Variants in LHFPL3 observed in about 807,000 individuals in gnomAD.
LHFPL3 encodes LHFPL tetraspan subfamily member 3.
A neutral mutation model predicts 19.3 loss-of-function variants in LHFPL3; 5 were observed. The observed-to-expected ratio is 0.26, with a 90% CI of 0.14 to 0.54. The LOEUF (loss-of-function observed/expected upper bound fraction) is 0.54, where lower values mean the gene tolerates loss of function less well. LHFPL3 is among the 20% of genes least tolerant of loss of function. The pLI, the probability that LHFPL3 is intolerant of heterozygous loss-of-function variation, is 0.94. For missense variants in LHFPL3, 249 were observed against 307.4 expected (o/e 0.81, Z 1.42); for synonymous variants, 133 against 126.2 (o/e 1.05, Z -0.36).
chr7:104,390,813 G>T (rs1231019247), intron 1 of LHFPL3, among the ~76,000 whole-genome samples: 4 of 152,172 alleles, frequency 2.6e-5, no homozygotes, highest in Admixed American at 2.0e-4. Flanking sequence ...GTGTAAAAGT[G>T]TTCCTATTTC....
intron 1 of LHFPL3, among the ~76,000 whole-genome samples, chr7:104,593,717 G>T (rs1168382711): frequency 2.0e-5 from 3 of 152,112 alleles, no homozygotes; most frequent in Admixed American, 6.5e-5. Context: ...ATGAATCTGG[G>T]CACTCCTGTA....
intron 2 of LHFPL3, 126 bp from the exon 3 acceptor site, chr7:104,906,061 T>C: frequency 1.2e-6 from 1 of 866,700 alleles, no homozygotes. Context: ...GCAAAATGCA[T>C]TTGAACCATT....
chr7:104,698,288 A>C (rs953599290), intron 1 of LHFPL3, among the ~76,000 whole-genome samples: 3 of 152,220 alleles, frequency 2.0e-5, no homozygotes, highest in Non-Finnish European at 4.4e-5. Context: ...CTTACATTAG[A>C]TCTCCCTTTC....
chr7:104,887,472 G>A (rs1792171339), intron 2 of LHFPL3, among the ~76,000 whole-genome samples: 1 of 152,174 alleles, frequency 6.6e-6, no homozygotes, highest in Non-Finnish European at 1.5e-5. Flanking sequence ...GATTCCAGGG[G>A]CAAGGGAAGT....
At chr7:104,681,714 G>A (rs190741011) in intron 1 of LHFPL3, among the ~76,000 whole-genome samples, 2 of 152,230 alleles carry the variant, frequency 1.3e-5, no homozygotes, top group African/African-American at 4.8e-5. Context: ...ACAAAGAAGG[G>A]TATTGAGACT....
At chr7:104,479,306 G>A (rs981333227) in intron 1 of LHFPL3, among the ~76,000 whole-genome samples, 1 of 152,046 alleles carries the variant, frequency 6.6e-6, no homozygotes, top group South Asian at 2.1e-4. Flanking sequence ...TCTGAGGGAC[G>A]CCATGGGAGC....
At chr7:104,351,653 A>G (rs994036796) in intron 1 of LHFPL3, among the ~76,000 whole-genome samples, 11 of 152,194 alleles carry the variant, frequency 7.2e-5, no homozygotes, top group Admixed American at 6.5e-5. Flanking sequence ...TTCATTTTTT[A>G]TTGTTAATAG....
intron 1 of LHFPL3, among the ~76,000 whole-genome samples, chr7:104,420,003 G>A (rs547262924): frequency 1.2e-4 from 18 of 152,250 alleles, no homozygotes; most frequent in African/African-American, 4.3e-4. Flanking sequence ...AAACAGTGGA[G>A]GCAAAGCAAG....
intron 1 of LHFPL3, among the ~76,000 whole-genome samples, chr7:104,611,694 A>G (rs1791216634): frequency 6.6e-6 from 1 of 152,206 alleles, no homozygotes. Flanking sequence ...AAAAAGAAAC[A>G]TAAAAATAAG....
At position 104,731,670 on chromosome 7, in the gene LHFPL3, C is replaced by T. The variant is rs1443722564; in HGVS notation, c.446-5005C>T. Among the ~76,000 whole-genome samples the T allele has an allele frequency of 4.6e-5, 7 of 151,828 alleles. No individual in the cohort carries two copies. In the South Asian group the frequency reaches 1.5e-3, roughly 32 times the overall value. ...GATATACAATCATGTCATCTGCAAA[C>T]AGGGACAATTTGACTTCCTTTTTTC... is the stretch of plus-strand genomic sequence containing the variant. On this transcript the variant is annotated intron_variant, in intron 1 of 2. Coordinates refer to ENST00000424859, the MANE Select transcript of LHFPL3 (RefSeq NM_199000.3).
chr7:104,358,404 G>T (rs745438527), intron 1 of LHFPL3, among the ~76,000 whole-genome samples: 5 of 152,190 alleles, frequency 3.3e-5, no homozygotes, highest in Non-Finnish European at 5.9e-5. Flanking sequence ...CTCTTTGGGG[G>T]TCAGTAGGGT....
At chr7:104,601,795 A>G (rs1584431550) in intron 1 of LHFPL3, among the ~76,000 whole-genome samples, 1 of 151,928 alleles carries the variant, frequency 6.6e-6, no homozygotes, top group South Asian at 2.1e-4. Context: ...CACTGCCAAA[A>G]CCTGGAGCTG....
intron 2 of LHFPL3, among the ~76,000 whole-genome samples, chr7:104,817,722 G>C (rs1790589766): frequency 6.6e-6 from 1 of 152,076 alleles, no homozygotes; most frequent in Non-Finnish European, 1.5e-5. Context: ...CCCTCAGACA[G>C]TACTACTTCA....
At chr7:104,423,851 A>G (rs1032267687) in intron 1 of LHFPL3, among the ~76,000 whole-genome samples, 1 of 152,106 alleles carries the variant, frequency 6.6e-6, no homozygotes, top group Non-Finnish European at 1.5e-5. Context: ...AAGGCAAACA[A>G]CAAACAAACA....
chr7:104,429,301 C>CAT, intron 1 of LHFPL3, among the ~76,000 whole-genome samples: 1 of 84,522 alleles, frequency 1.2e-5, no homozygotes, highest in African/African-American at 5.4e-5. Context: ...TATGTCATTC[C>CAT]TTTTTTTTTT....
chr7:104,442,564 T>C (rs914920686), intron 1 of LHFPL3, among the ~76,000 whole-genome samples: 3 of 152,212 alleles, frequency 2.0e-5, no homozygotes, highest in African/African-American at 7.2e-5. Flanking sequence ...TAGCAAGTTA[T>C]ATTTAGGAAC....
intron 2 of LHFPL3, among the ~76,000 whole-genome samples, chr7:104,784,865 G>A (rs936794801): frequency 1.3e-5 from 2 of 152,158 alleles, no homozygotes; most frequent in Non-Finnish European, 2.9e-5. Flanking sequence ...ATCTAAAGTT[G>A]TCAAACTCAT....
chr7:104,457,412 A>C (rs930292322), intron 1 of LHFPL3, among the ~76,000 whole-genome samples: 10 of 151,866 alleles, frequency 6.6e-5, no homozygotes, highest in Non-Finnish European at 1.0e-4. Context: ...AATGATTTCC[A>C]ATTTCATCCA....
At chr7:104,509,630 T>C (rs1281738096) in intron 1 of LHFPL3, among the ~76,000 whole-genome samples, 3 of 152,052 alleles carry the variant, frequency 2.0e-5, no homozygotes, top group Non-Finnish European at 1.5e-5. Context: ...GCTAGTATTA[T>C]ACATAATGGT....
Sources: allele counts gnomAD v4.1 joint callset (sites outside exome capture counted in the v4.1 genomes callset), GRCh38; gene constraint gnomAD v4.1.1; transcripts MANE v1.5; gene names NCBI Gene and HGNC (gene_info 2026-07-23, HGNC 2026-07-21).